NKAIN3: variants seen among roughly 807,000 people sequenced by gnomAD.
NKAIN3 encodes the protein sodium/potassium-transporting ATPase subunit beta-1-interacting protein 3.
In NKAIN3, 25 loss-of-function variants were observed where a neutral mutation model predicts 30.2. The ratio of observed to expected loss-of-function variants is 0.83; its 90% confidence interval spans 0.60 to 1.16. NKAIN3 has a LOEUF of 1.16. NKAIN3 is among the 50% of genes most tolerant of loss of function. The probability of loss-of-function intolerance (pLI) is 0.00; values close to 1 mark genes in which losing one functional copy is unlikely to be tolerated. For missense variants in NKAIN3, 225 were observed against 254.1 expected, an observed-to-expected ratio of 0.89 and a Z score of 0.78; for synonymous variants, 91 against 89.6, an observed-to-expected ratio of 1.02 and a Z score of -0.09.
chr8:62,916,804 G>T (rs1422597342), intron 4 of NKAIN3, among the ~76,000 whole-genome samples: 1 of 152,086 alleles, frequency 6.6e-6, no homozygotes, highest in Non-Finnish European at 1.5e-5. Context: ...GAGAAATGAT[G>T]GGAGAAAAGG....
At chr8:62,939,913 A>AT (rs2130881533) in intron 5 of NKAIN3, among the ~76,000 whole-genome samples, 1 of 152,288 alleles carries the variant, frequency 6.6e-6, no homozygotes, top group South Asian at 2.1e-4. Flanking sequence ...ACATCTCAAT[A>AT]TTAATGTTGA....
At chr8:62,889,535 C>T (rs1821241637) in intron 4 of NKAIN3, among the ~76,000 whole-genome samples, 1 of 152,174 alleles carries the variant, frequency 6.6e-6, no homozygotes, top group African/African-American at 2.4e-5. Flanking sequence ...CATCACTTCT[C>T]ACTGATAAAA....
At chr8:62,548,291 T>C (rs1243160425) in intron 1 of NKAIN3, among the ~76,000 whole-genome samples, 1 of 152,252 alleles carries the variant, frequency 6.6e-6, no homozygotes, top group Non-Finnish European at 1.5e-5. Context: ...GAAACATACT[T>C]AACATTTTAC....
At chr8:62,361,570 GT>G (rs1401309141) in intron 1 of NKAIN3, among the ~76,000 whole-genome samples, 2 of 152,188 alleles carry the variant, frequency 1.3e-5, no homozygotes, top group African/African-American at 4.8e-5. Context: ...GAGAACTACT[GT>G]TAATAACTCA....
At chr8:62,751,614 A>G (rs1563545776) in intron 4 of NKAIN3, among the ~76,000 whole-genome samples, 1 of 152,014 alleles carries the variant, frequency 6.6e-6, no homozygotes, top group Non-Finnish European at 1.5e-5. Context: ...TCAATGTATC[A>G]TTGTTTATTT....
chr8:62,564,509 C>G (rs1809686067), intron 1 of NKAIN3, among the ~76,000 whole-genome samples: 2 of 152,186 alleles, frequency 1.3e-5, no homozygotes, highest in African/African-American at 4.8e-5. Flanking sequence ...ATTCCGAAGT[C>G]TTTAACCACG....
intron 1 of NKAIN3, among the ~76,000 whole-genome samples, chr8:62,286,938 C>G (rs1813397332): frequency 6.6e-6 from 1 of 151,776 alleles, no homozygotes; most frequent in African/African-American, 2.4e-5. Context: ...TTTCTACACT[C>G]TTTGCAGACC....
chr8:62,662,303 C>T (rs922464691), intron 3 of NKAIN3, among the ~76,000 whole-genome samples: 1 of 152,188 alleles, frequency 6.6e-6, no homozygotes, highest in African/African-American at 2.4e-5. Flanking sequence ...GACAAAACCA[C>T]CTCAACTCAG....
chr8:62,913,072 A>T (rs971375565), intron 4 of NKAIN3, among the ~76,000 whole-genome samples: 1 of 152,068 alleles, frequency 6.6e-6, no homozygotes. Context: ...TGGAGCTGTC[A>T]TCTCCTATGA....
At chr8:62,952,066 CT>C (rs1823297070) in intron 5 of NKAIN3, among the ~76,000 whole-genome samples, 1 of 152,098 alleles carries the variant, frequency 6.6e-6, no homozygotes. Context: ...TCCCAAATTG[CT>C]AGCAATATAG....
intron 1 of NKAIN3, among the ~76,000 whole-genome samples, chr8:62,278,732 T>C (rs1330964506): frequency 2.6e-5 from 4 of 152,208 alleles, no homozygotes; most frequent in African/African-American, 9.7e-5. Context: ...GGGTGCGTAG[T>C]ATTCCATGGT....
chr8:62,625,654 G>A (rs1054683041), intron 3 of NKAIN3, among the ~76,000 whole-genome samples: 5 of 152,102 alleles, frequency 3.3e-5, no homozygotes, highest in East Asian at 1.9e-4. Flanking sequence ...GAAATTAACT[G>A]TATGAATTAC....
intron 4 of NKAIN3, among the ~76,000 whole-genome samples, chr8:62,819,394 T>G (rs1181172944): frequency 1.3e-5 from 2 of 151,948 alleles, no homozygotes; most frequent in African/African-American, 4.8e-5. Context: ...AACACTGTTC[T>G]CCCTGTGCTA....
At chr8:62,587,917 A>G (rs973443446) in intron 2 of NKAIN3, among the ~76,000 whole-genome samples, 1 of 152,000 alleles carries the variant, frequency 6.6e-6, no homozygotes, top group African/African-American at 2.4e-5. Context: ...TGATCTTTAA[A>G]TAGATGTGTT....
At chr8:62,919,739 C>T (rs10090886) in intron 5 of NKAIN3, among the ~76,000 whole-genome samples, 117,182 of 152,022 alleles carry the variant, frequency 0.77, 45,964 homozygotes, top group East Asian at 0.98. Context: ...GTCTGATGAA[C>T]GCTTCCCATC....
At chr8:62,596,215 C>A (rs1810828009) in intron 3 of NKAIN3, among the ~76,000 whole-genome samples, 1 of 151,932 alleles carries the variant, frequency 6.6e-6, no homozygotes. Context: ...GAAACTATGT[C>A]TTCGTGAGTT....
chr8:62,529,716 A>G (rs987574575), intron 1 of NKAIN3, among the ~76,000 whole-genome samples: 2 of 152,122 alleles, frequency 1.3e-5, no homozygotes, highest in African/African-American at 4.8e-5. Context: ...TAAGCCACCC[A>G]GTACATGGTA....
At chr8:62,464,198 A>G (rs1806084525) in intron 1 of NKAIN3, among the ~76,000 whole-genome samples, 2 of 152,212 alleles carry the variant, frequency 1.3e-5, no homozygotes, top group Non-Finnish European at 2.9e-5. Flanking sequence ...ACCTCCCTGT[A>G]GCTCTACAAA....
chr8:62,426,895 A>G (rs891142885), intron 1 of NKAIN3, among the ~76,000 whole-genome samples: 3 of 152,008 alleles, frequency 2.0e-5, no homozygotes, highest in African/African-American at 7.2e-5. Context: ...CACATCAGCT[A>G]GCTTGGCCAC....
Sources: gnomAD v4.1 joint callset for allele counts (sites outside exome capture counted in the v4.1 genomes callset) on GRCh38, gnomAD v4.1.1 for gene constraint, MANE v1.5 for transcripts, NCBI Gene and HGNC (gene_info 2026-07-23, HGNC 2026-07-21) for gene names.